COX7B2: variants seen among roughly 807,000 people sequenced by gnomAD.
The protein encoded by COX7B2 is cytochrome c oxidase subunit 7B2, also known as cytochrome c oxidase subunit 7B2, mitochondrial.
For missense variants in COX7B2, 109 were observed against 95.9 expected (o/e 1.14, Z -0.57); for synonymous variants, 37 against 32.1 (o/e 1.15, Z -0.51).
chr4:46,780,095 AT>A (rs957518986), intron 2 of COX7B2, among the ~76,000 whole-genome samples: 3 of 152,186 alleles, frequency 2.0e-5, no homozygotes, highest in Middle Eastern at 3.2e-3. Context: ...TATTACAAGT[AT>A]TTTTTTAAAA....
At chr4:46,784,781 A>G (rs974729253) in intron 2 of COX7B2, among the ~76,000 whole-genome samples, 2 of 152,234 alleles carry the variant, frequency 1.3e-5, no homozygotes, top group Non-Finnish European at 2.9e-5. Context: ...TGTCTTATGA[A>G]TAAGTGTTGA....
chr4:46,842,185 A>G (rs1050967480), intron 2 of COX7B2, among the ~76,000 whole-genome samples: 2 of 152,004 alleles, frequency 1.3e-5, no homozygotes, highest in African/African-American at 4.8e-5. Flanking sequence ...TGGTTTGACA[A>G]AACTTCATAG....
chr4:46,774,634 T>C, intron 2 of COX7B2, among the ~76,000 whole-genome samples: 1 of 152,092 alleles, frequency 6.6e-6, no homozygotes, highest in East Asian at 1.9e-4. Flanking sequence ...TACAGAGTTT[T>C]AATAATAAAT....
At chr4:46,758,755 C>T (rs1162406442) in intron 2 of COX7B2, among the ~76,000 whole-genome samples, 1 of 151,666 alleles carries the variant, frequency 6.6e-6, no homozygotes, top group Non-Finnish European at 1.5e-5. Context: ...GAGTATTTGC[C>T]CAAAAATGTG....
chr4:46,870,573 T>C (rs576363015), intron 1 of COX7B2, among the ~76,000 whole-genome samples: 12 of 152,216 alleles, frequency 7.9e-5, no homozygotes, highest in African/African-American at 2.9e-4. Context: ...TGATTCAGTA[T>C]CTAGAAAACC....
At chr4:46,803,813 GT>G (rs1718804618) in intron 2 of COX7B2, among the ~76,000 whole-genome samples, 1 of 144,448 alleles carries the variant, frequency 6.9e-6, no homozygotes, top group African/African-American at 2.6e-5. Flanking sequence ...CAGTTTATCC[GT>G]CCCCAACCTA....
At chr4:46,809,093 A>AT (rs1020149831) in intron 2 of COX7B2, among the ~76,000 whole-genome samples, 1 of 151,688 alleles carries the variant, frequency 6.6e-6, no homozygotes, top group African/African-American at 2.4e-5. Context: ...AGATTATCCA[A>AT]TTTTTTGGCA....
chr4:46,791,718 T>C (rs551564222), intron 2 of COX7B2, among the ~76,000 whole-genome samples: 1 of 152,256 alleles, frequency 6.6e-6, no homozygotes, highest in Non-Finnish European at 1.5e-5. Context: ...GAACAACAAG[T>C]TTTGAAGTTC....
chr4:46,824,315 T>C (rs1052702743), intron 2 of COX7B2, among the ~76,000 whole-genome samples: 1 of 152,124 alleles, frequency 6.6e-6, no homozygotes, highest in Non-Finnish European at 1.5e-5. Flanking sequence ...CAACTCATAC[T>C]ATGAGGCAAG....
At chr4:46,877,580 A>G (rs775863773) in intron 1 of COX7B2, among the ~76,000 whole-genome samples, 6 of 152,174 alleles carry the variant, frequency 3.9e-5, no homozygotes, top group Admixed American at 6.5e-5. Context: ...ATGAATAGAC[A>G]TTTTTCCAAA....
intron 1 of COX7B2, among the ~76,000 whole-genome samples, chr4:46,907,848 C>CTTTTTTTTTTTT (rs35024713): frequency 8.4e-5 from 5 of 59,720 alleles, no homozygotes; most frequent in African/African-American, 1.3e-4. Context: ...TTTGAGCAGA[C>CTTTTTTTTTTTT]TTTTTTTTTT....
intron 2 of COX7B2, among the ~76,000 whole-genome samples, chr4:46,836,119 C>T (rs935608160): frequency 6.6e-6 from 1 of 152,100 alleles, no homozygotes; most frequent in Admixed American, 6.6e-5. Flanking sequence ...TAGAACATTA[C>T]TGTACACTAC....
At position 46,907,848 on chromosome 4, in the gene COX7B2, C is replaced by CTTTTTTTT. The variant is rs35024713; in HGVS notation, c.-105+1304_-105+1311dup. On this transcript the variant is annotated intron_variant, in intron 1 of 2. Transcript: ENST00000355591. ...TATAAAAGATCAGAATTTGAGCAGA[C>CTTTTTTTT]TTTTTTTTTTTTTTTTTTTTTTTTG... Among the ~76,000 whole-genome samples, 24 of 59,720 alleles carry CTTTTTTTT rather than the reference C, an allele frequency of 4.0e-4. 2 individuals carry two copies. The highest frequency in any genetic ancestry group is 1.3e-3 in the East Asian group (2 of 1,546). 39.2% of individuals were successfully genotyped at this position (59,720 alleles called of 152,430 possible).
At chr4:46,804,159 G>A (rs1385622316) in intron 2 of COX7B2, among the ~76,000 whole-genome samples, 1 of 152,192 alleles carries the variant, frequency 6.6e-6, no homozygotes, top group Non-Finnish European at 1.5e-5. Context: ...GTTCCTCGCG[G>A]TGGGTTCGTG....
chr4:46,845,381 C>T (rs936031347), intron 1 of COX7B2, among the ~76,000 whole-genome samples: 1 of 151,840 alleles, frequency 6.6e-6, no homozygotes, highest in Non-Finnish European at 1.5e-5. Flanking sequence ...GCCTAATATG[C>T]TTGGAGACTT....
intron 1 of COX7B2, among the ~76,000 whole-genome samples, chr4:46,870,211 A>G (rs1462029183): frequency 6.6e-6 from 1 of 152,150 alleles, no homozygotes; most frequent in Non-Finnish European, 1.5e-5. Context: ...GATTAATCAC[A>G]TAAAAAAACT....
chr4:46,833,793 A>T (rs373206299), intron 2 of COX7B2, among the ~76,000 whole-genome samples: 5 of 152,226 alleles, frequency 3.3e-5, no homozygotes, highest in Admixed American at 1.3e-4. Flanking sequence ...TAATCTTTAC[A>T]GATAAGGCAA....
At chr4:46,844,259 T>C (rs148232681) in intron 2 of COX7B2, among the ~76,000 whole-genome samples, 1 of 152,104 alleles carries the variant, frequency 6.6e-6, no homozygotes, top group East Asian at 1.9e-4. Context: ...ATAAATGTCA[T>C]ATTATTGGCC....
intron 2 of COX7B2, among the ~76,000 whole-genome samples, chr4:46,767,751 C>A (rs1486497882): frequency 6.6e-6 from 1 of 152,042 alleles, no homozygotes; most frequent in Non-Finnish European, 1.5e-5. Context: ...AAAGAATAAT[C>A]AAAAAGGAAA....
Sources: gnomAD v4.1 joint callset for allele counts (sites outside exome capture counted in the v4.1 genomes callset) on GRCh38, gnomAD v4.1.1 for gene constraint, MANE v1.5 for transcripts, NCBI Gene and HGNC (gene_info 2026-07-23, HGNC 2026-07-21) for gene names.